VWC2L: variants seen among roughly 807,000 people sequenced by gnomAD.
The protein encoded by VWC2L is von Willebrand factor C domain containing 2 like.
Under a neutral mutation model 21.6 loss-of-function variants are expected in VWC2L, and 10 were observed. The observed-to-expected ratio is 0.46, with a 90% CI of 0.29 to 0.78. The LOEUF is 0.78. Among genes scored for constraint, VWC2L ranks in the 30% least tolerant of loss-of-function variants. The pLI, the probability that VWC2L is intolerant of heterozygous loss-of-function variation, is 0.10. For missense variants in VWC2L, 209 were observed against 277.1 expected (o/e 0.75, Z 1.74); for synonymous variants, 96 against 94.3 (o/e 1.02, Z -0.10).
intron 3 of VWC2L, among the ~76,000 whole-genome samples, chr2:214,529,628 C>T (rs546904094): frequency 2.6e-4 from 40 of 152,248 alleles, no homozygotes; most frequent in African/African-American, 8.2e-4. Flanking sequence ...CAAAGCCATT[C>T]CCAGGTCCAG....
intron 3 of VWC2L, among the ~76,000 whole-genome samples, chr2:214,505,520 A>G (rs1210241321): frequency 6.6e-6 from 1 of 152,092 alleles, no homozygotes; most frequent in Non-Finnish European, 1.5e-5. Context: ...ACTCAAAGGT[A>G]TAATCAGGTC....
chr2:214,542,624 CA>C, intron 3 of VWC2L, among the ~76,000 whole-genome samples: 1 of 152,330 alleles, frequency 6.6e-6, no homozygotes, highest in East Asian at 1.9e-4. Flanking sequence ...GTGCCCTAGG[CA>C]AGTGAAAATT....
chr2:214,572,179 A>G (rs1690159386), intron 3 of VWC2L, among the ~76,000 whole-genome samples: 1 of 152,222 alleles, frequency 6.6e-6, no homozygotes, highest in African/African-American at 2.4e-5. Context: ...AATTCACATG[A>G]TGTGTAAGTG....
intron 3 of VWC2L, among the ~76,000 whole-genome samples, chr2:214,557,434 G>A (rs1194248995): frequency 6.6e-6 from 1 of 152,106 alleles, no homozygotes; most frequent in African/African-American, 2.4e-5. Context: ...AATTCAAGAT[G>A]AGATTTGGGT....
chr2:214,500,981 A>G (rs1688883161), intron 3 of VWC2L, among the ~76,000 whole-genome samples: 1 of 152,230 alleles, frequency 6.6e-6, no homozygotes, highest in South Asian at 2.1e-4. Flanking sequence ...AAGTAAGCCT[A>G]TAAACAGCAT....
intron 2 of VWC2L, among the ~76,000 whole-genome samples, chr2:214,432,000 G>A (rs1702607356): frequency 6.6e-6 from 1 of 152,184 alleles, no homozygotes; most frequent in Admixed American, 6.5e-5. Context: ...TTGCCATAAT[G>A]TTGGAACCCA....
chr2:214,423,717 G>T (rs532631313), intron 2 of VWC2L, among the ~76,000 whole-genome samples: 24 of 152,056 alleles, frequency 1.6e-4, no homozygotes, highest in Admixed American at 1.5e-3. Flanking sequence ...TAAAAATGGG[G>T]CCCATTGTCT....
chr2:214,452,205 G>A (rs1702966498), intron 3 of VWC2L, among the ~76,000 whole-genome samples: 1 of 152,056 alleles, frequency 6.6e-6, no homozygotes, highest in Admixed American at 6.6e-5. Context: ...ACCCAGACTG[G>A]AGTGCAGTGG....
intron 3 of VWC2L, among the ~76,000 whole-genome samples, chr2:214,559,565 A>G (rs1352312205): frequency 6.6e-6 from 1 of 151,736 alleles, no homozygotes; most frequent in African/African-American, 2.4e-5. Flanking sequence ...TCCCCTTAGT[A>G]TATGAACTCT....
rs1690240739 is a variant in VWC2L, at chr2:214,577,021, G to A, written c.*1201G>A. On this transcript the variant is annotated 3_prime_UTR_variant, in exon 4 of 4. Coordinates refer to ENST00000312504, the MANE Select transcript of VWC2L (RefSeq NM_001080500.4). The stretch of plus-strand genomic sequence containing the variant: ...AAGTGAACCTTTGAAGAGTCTCTAG[G>A]TTGCCCTGGTAATGCTGCTAGTATA... The A allele has an allele frequency of 6.6e-6, 1 of 152,104 alleles. No homozygotes were observed. The highest frequency in any genetic ancestry group is 2.1e-4 in the South Asian group (1 of 4,832). 9.4% of individuals were successfully genotyped at this position (152,104 alleles called of 1,614,324 possible).
intron 3 of VWC2L, among the ~76,000 whole-genome samples, chr2:214,496,087 G>T (rs1688807450): frequency 6.6e-6 from 1 of 152,030 alleles, no homozygotes; most frequent in Admixed American, 6.6e-5. Context: ...ATATACTGTA[G>T]CCTAGGAATA....
intron 3 of VWC2L, among the ~76,000 whole-genome samples, chr2:214,560,777 C>A (rs913070310): frequency 7.9e-5 from 12 of 152,162 alleles, no homozygotes; most frequent in Non-Finnish European, 1.8e-4. Flanking sequence ...TCACACATGT[C>A]TCCTTCATTC....
At chr2:214,443,483 C>T (rs186936378) in intron 3 of VWC2L, among the ~76,000 whole-genome samples, 2 of 152,194 alleles carry the variant, frequency 1.3e-5, no homozygotes, top group African/African-American at 2.4e-5. Flanking sequence ...AATAATTATG[C>T]AACCTAACCA....
At position 214,411,366 on chromosome 2, in the gene VWC2L, A is replaced by C. The variant is rs895070776; in HGVS notation, c.-501A>C. The C allele has an allele frequency of 6.6e-6, 1 of 152,214 alleles. No individual in the cohort carries two copies. Among genetic ancestry groups the C allele is most frequent in the African/African-American group, 2.4e-5 (1 of 41,434 alleles). The allele number at this position is 152,214 out of a possible 1,614,324, so 9.4% of individuals were successfully genotyped here. ...GTTTGTGATCCTCAGAGCCTAGCCAAATCACCTCTACTGCCGTAGCAAACA... is the reference window on the plus strand; with the variant it reads ...GTTTGTGATCCTCAGAGCCTAGCCACATCACCTCTACTGCCGTAGCAAACA... On this transcript the variant is annotated 5_prime_UTR_variant, in exon 1 of 4. Transcript: ENST00000312504.
At chr2:214,511,697 C>T (rs950608774) in intron 3 of VWC2L, among the ~76,000 whole-genome samples, 3 of 151,948 alleles carry the variant, frequency 2.0e-5, no homozygotes, top group Non-Finnish European at 4.4e-5. Context: ...GCAGTCTGAG[C>T]ATACTAGCAC....
intron 3 of VWC2L, among the ~76,000 whole-genome samples, chr2:214,575,467 T>C (rs1201188670): frequency 1.3e-5 from 2 of 152,142 alleles, no homozygotes; most frequent in Admixed American, 1.3e-4. Context: ...AAGTTCACAA[T>C]ATACACGGGA....
chr2:214,566,892 T>C (rs1459968443), intron 3 of VWC2L, among the ~76,000 whole-genome samples: 1 of 152,188 alleles, frequency 6.6e-6, no homozygotes, highest in African/African-American at 2.4e-5. Flanking sequence ...CACAATAGCA[T>C]CTATCAGACT....
chr2:214,443,287 G>A (rs1050850980), intron 3 of VWC2L, among the ~76,000 whole-genome samples: 4 of 152,000 alleles, frequency 2.6e-5, no homozygotes, highest in Admixed American at 2.6e-4. Context: ...CAGAAGAATT[G>A]CTTCAACTTG....
chr2:214,427,882 ATGTT>A (rs1702548655), intron 2 of VWC2L, among the ~76,000 whole-genome samples: 1 of 152,202 alleles, frequency 6.6e-6, no homozygotes, highest in Non-Finnish European at 1.5e-5. Flanking sequence ...TAGTCTGTAA[ATGTT>A]TAGTACAGAA....
Sources: allele counts gnomAD v4.1 joint callset (sites outside exome capture counted in the v4.1 genomes callset), GRCh38; gene constraint gnomAD v4.1.1; transcripts MANE v1.5; gene names NCBI Gene and HGNC (gene_info 2026-07-23, HGNC 2026-07-21).